The following SLC35F1 variants were observed in gnomAD, a reference collection of about 807,000 sequenced individuals.
SLC35F1 encodes the protein solute carrier family 35 member F1.
A neutral mutation model predicts 48.7 loss-of-function variants in SLC35F1; 14 were observed. The ratio of observed to expected loss-of-function variants is 0.29; its 90% CI spans 0.19 to 0.45. The LOEUF (loss-of-function observed/expected upper bound fraction) is 0.45. Ranked by LOEUF, SLC35F1 falls within the 20% of genes least tolerant of loss-of-function variation. The pLI is 1.00. For synonymous variants in SLC35F1, 190 were observed against 202.2 expected, an observed-to-expected ratio of 0.94 and a Z score of 0.51; for missense variants, 404 against 500.0, an observed-to-expected ratio of 0.81 and a Z score of 1.83.
At chr6:117,913,779 C>T (rs888064575) in intron 1 of SLC35F1, among the ~76,000 whole-genome samples, 33 of 152,038 alleles carry the variant, frequency 2.2e-4, no homozygotes, top group Non-Finnish European at 3.1e-4. Flanking sequence ...CAGCCAGGGG[C>T]GGTGGCTCAC....
intron 1 of SLC35F1, among the ~76,000 whole-genome samples, chr6:118,118,624 TTC>T (rs1438050791): frequency 6.6e-6 from 1 of 152,244 alleles, no homozygotes. Context: ...TCTTCAGATC[TTC>T]TGTCTTTTTT....
chr6:118,033,631 C>CTT (rs1772084909), intron 1 of SLC35F1, among the ~76,000 whole-genome samples: 1 of 139,472 alleles, frequency 7.2e-6, no homozygotes, highest in Non-Finnish European at 1.6e-5. Flanking sequence ...TTTTTTTCAT[C>CTT]TTTTATCCTG....
intron 1 of SLC35F1, among the ~76,000 whole-genome samples, chr6:117,910,008 A>T (rs1287891252): frequency 6.6e-6 from 1 of 152,228 alleles, no homozygotes; most frequent in East Asian, 1.9e-4. Context: ...TTTCAATATA[A>T]TATTTTGTAT....
chr6:118,298,606 A>C (rs937542169), intron 7 of SLC35F1, among the ~76,000 whole-genome samples: 1 of 152,136 alleles, frequency 6.6e-6, no homozygotes, highest in Non-Finnish European at 1.5e-5. Flanking sequence ...CACCACTTCA[A>C]TAAGTCCTCT....
In SLC35F1 at chr6:117,923,640, T is replaced by C. The variant is rs796416489; in HGVS notation, c.173+15741T>C. Among the ~76,000 whole-genome samples, 41 of 76,778 alleles carry C rather than the reference T, an allele frequency of 5.3e-4. 8 individuals are homozygous for C. The highest frequency in any genetic ancestry group is 0.012 in the Middle Eastern group (1 of 86). 50.4% of individuals were successfully genotyped at this position (76,778 alleles called of 152,430 possible). On this transcript the variant is annotated intron_variant, in intron 1 of 7. Transcript: ENST00000360388. Reference sequence around the variant, plus strand: ...ATATGTATATATACATATATGTACATATGTACATATGTACATATGTATATA... The same window carrying C: ...ATATGTATATATACATATATGTACACATGTACATATGTACATATGTATATA...
intron 1 of SLC35F1, among the ~76,000 whole-genome samples, chr6:118,031,539 A>G (rs1482498555): frequency 7.9e-5 from 12 of 152,160 alleles, no homozygotes; most frequent in Admixed American, 4.6e-4. Context: ...GTGATGCAGG[A>G]CAGGGGAGCC....
At chr6:118,297,816 G>A (rs985896628) in intron 7 of SLC35F1, among the ~76,000 whole-genome samples, 4 of 148,222 alleles carry the variant, frequency 2.7e-5, no homozygotes, top group African/African-American at 1.0e-4. Context: ...ACTGCACCCT[G>A]ATATGGTTTG....
chr6:117,961,047 A>C (rs1230951094), intron 1 of SLC35F1, among the ~76,000 whole-genome samples: 2 of 152,148 alleles, frequency 1.3e-5, no homozygotes, highest in Non-Finnish European at 2.9e-5. Context: ...AAAAAATTTA[A>C]AAAAATGGAA....
intron 1 of SLC35F1, among the ~76,000 whole-genome samples, chr6:118,030,674 G>A (rs1772032174): frequency 6.6e-6 from 1 of 152,082 alleles, no homozygotes; most frequent in Admixed American, 6.6e-5. Context: ...ATGTTTATGG[G>A]TTTCACACCA....
chr6:118,089,795 T>A (rs753632774), intron 1 of SLC35F1, among the ~76,000 whole-genome samples: 1 of 152,200 alleles, frequency 6.6e-6, no homozygotes, highest in Non-Finnish European at 1.5e-5. Context: ...TTCATGTTAA[T>A]AGCAGTCCCC....
At chr6:118,216,003 A>G (rs1273246367) in intron 2 of SLC35F1, among the ~76,000 whole-genome samples, 1 of 151,622 alleles carries the variant, frequency 6.6e-6, no homozygotes, top group Non-Finnish European at 1.5e-5. Context: ...AATATTTTTC[A>G]TTTTAAGGAT....
intron 2 of SLC35F1, among the ~76,000 whole-genome samples, chr6:118,221,574 T>C (rs1390390994): frequency 6.6e-6 from 1 of 152,242 alleles, no homozygotes; most frequent in Admixed American, 6.5e-5. Flanking sequence ...GATATTCTTA[T>C]GCTCCAGCCA....
rs551052743 is a variant in SLC35F1 at position 118,225,357 on chromosome 6, T to C, written c.350-10152T>C. Among the ~76,000 whole-genome samples the C allele has an allele frequency of 7.2e-5, 11 of 152,290 alleles. No individual in the cohort carries two copies. In the South Asian group the frequency reaches 2.3e-3, roughly 32 times the overall value. On this transcript the variant is annotated intron_variant, in intron 2 of 7. Transcript: ENST00000360388. The stretch of plus-strand genomic sequence containing the variant: ...ATCTATGTATTTATAGCCAACTAAT[T>C]TTTAACAAAGGTGCCAAGAACATAC...
intron 1 of SLC35F1, among the ~76,000 whole-genome samples, chr6:118,029,367 T>TGA (rs934602860): frequency 8.6e-5 from 13 of 151,638 alleles, no homozygotes; most frequent in African/African-American, 1.2e-4. Context: ...TAAGATATTT[T>TGA]GAGAGAGAGA....
At chr6:118,050,127 A>G (rs1268903342) in intron 1 of SLC35F1, among the ~76,000 whole-genome samples, 2 of 152,080 alleles carry the variant, frequency 1.3e-5, no homozygotes, top group Non-Finnish European at 1.5e-5. Flanking sequence ...AAAAAACCAA[A>G]CACCACATGT....
intron 1 of SLC35F1, among the ~76,000 whole-genome samples, chr6:118,119,492 G>T (rs867002455): frequency 9.7e-5 from 2 of 20,668 alleles, no homozygotes; most frequent in Non-Finnish European, 3.8e-4. Context: ...GTAATAACCG[G>T]CGCCCCCCCT....
chr6:118,156,264 T>C (rs1259008060), intron 2 of SLC35F1, among the ~76,000 whole-genome samples: 3 of 151,958 alleles, frequency 2.0e-5, no homozygotes, highest in Non-Finnish European at 4.4e-5. Context: ...GCGTAAAATA[T>C]TTGAAGAAAT....
chr6:118,131,880 G>A (rs1000938707), intron 1 of SLC35F1, among the ~76,000 whole-genome samples: 4 of 151,996 alleles, frequency 2.6e-5, no homozygotes, highest in South Asian at 4.2e-4. Context: ...TTGTCTCTAT[G>A]CTTAGATCAG....
In SLC35F1 at chr6:118,267,021, C is replaced by G. The variant is rs771686232; in HGVS notation, c.504C>G (p.Val168=). ...IQLLDCFVIP[V]VILLSWFFLL... ...TCCTGGACTGTTTTGTGATCCCAGT[C>G]GTGATTTTGCTCTCCTGGTTCTTCC... is the stretch of plus-strand genomic sequence containing the variant. The change falls in exon 4 of 8, where the codon GTC becomes GTG. Residue 168 remains valine, a synonymous_variant. Transcript: ENST00000360388. 6.2e-7 allele frequency: 1 copy of G among 1,613,946 alleles called. No homozygotes were observed. Among genetic ancestry groups the G allele is most frequent in the African/African-American group, 1.3e-5 (1 of 75,032 alleles).
Sources: gnomAD v4.1 joint callset for allele counts (sites outside exome capture counted in the v4.1 genomes callset) on GRCh38, gnomAD v4.1.1 for gene constraint, MANE v1.5 for transcripts, NCBI Gene and HGNC (gene_info 2026-07-23, HGNC 2026-07-21) for gene names.